Variants in INSYN2A observed in about 807,000 individuals in gnomAD.
INSYN2A encodes family with sequence similarity 196 member A.
INSYN2A carries 17 observed loss-of-function variants against 39.4 expected under a neutral mutation model. The observed-to-expected ratio is 0.43, with a 90% confidence interval of 0.30 to 0.65. INSYN2A has a LOEUF of 0.65. Ranked by LOEUF, INSYN2A falls within the 30% of genes least tolerant of loss-of-function variation. The pLI, the probability that INSYN2A is intolerant of heterozygous loss-of-function variation, is 0.14. For synonymous variants in INSYN2A, 255 were observed against 265.7 expected, an observed-to-expected ratio of 0.96 and a Z score of 0.39; for missense variants, 595 against 631.2, an observed-to-expected ratio of 0.94 and a Z score of 0.61.
intron 5 of INSYN2A, among the ~76,000 whole-genome samples, chr10:127,147,180 A>G (rs2051949267): frequency 6.6e-6 from 1 of 152,020 alleles, no homozygotes; most frequent in African/African-American, 2.4e-5. Context: ...CTTCTTTTGG[A>G]GCTTCCTACT....
intron 5 of INSYN2A, among the ~76,000 whole-genome samples, chr10:127,147,890 G>T (rs562208468): frequency 1.1e-4 from 17 of 151,760 alleles, no homozygotes; most frequent in Non-Finnish European, 2.2e-4. Context: ...AATTAGCCAG[G>T]ATTGGCGGTG....
chr10:127,194,401 C>G (rs1260450076), intron 1 of INSYN2A, among the ~76,000 whole-genome samples: 1 of 152,154 alleles, frequency 6.6e-6, no homozygotes, highest in African/African-American at 2.4e-5. Context: ...GTTTGCTAAT[C>G]ATTCTTGCAA....
chr10:127,175,342 G>T lies in INSYN2A; in HGVS notation c.1054C>A (p.His352Asn). The T allele has an allele frequency of 6.2e-7, 1 of 1,614,166 alleles. No homozygotes were observed. ...GCTTTGAGGTCGACCACTTCCGTAT[G>T]AGGCACGATTCGTTGGCATTCTTCA... ...AGEECQRIVP[H>N]TEVVDLKAQL... Residue 352 changes from histidine to asparagine, a missense_variant, in exon 4 of 6, where the codon CAT (histidine) becomes AAT (asparagine). Physicochemically the swap from His to Asn is moderately conservative, Grantham distance 68. Around this residue, in one of 2 missense-constraint regions of INSYN2A, gnomAD observed 117 missense variants for 163.8 expected, o/e 0.71. Coordinates refer to ENST00000522781, the MANE Select transcript of INSYN2A (RefSeq NM_001039762.3). This position sits in a 1 kb window ranked among gnomAD's most constrained non-coding sequence, Gnocchi z 6.3.
intron 5 of INSYN2A, among the ~76,000 whole-genome samples, chr10:127,147,559 C>T (rs1272736032): frequency 1.3e-5 from 2 of 152,214 alleles, no homozygotes; most frequent in East Asian, 3.9e-4. Flanking sequence ...CCCGGGGTCC[C>T]AGGGTAAGGG....
chr10:127,147,724 T>C (rs956108758), intron 5 of INSYN2A, among the ~76,000 whole-genome samples: 1 of 151,986 alleles, frequency 6.6e-6, no homozygotes, highest in Non-Finnish European at 1.5e-5. Flanking sequence ...TTTATCAAAG[T>C]GGTTGTTTAA....
chr10:127,175,416 G>T lies in INSYN2A; in HGVS notation c.980C>A (p.Thr327Asn). 2 of 1,613,432 alleles carry T rather than the reference G, an allele frequency of 1.2e-6. No individual in the cohort carries two copies. Among genetic ancestry groups the T allele is most frequent in the Non-Finnish European group, 1.7e-6 (2 of 1,180,050 alleles). The change falls in exon 4 of 6, where the codon ACC becomes AAC. Residue 327 changes from threonine (T) to asparagine (N), a missense_variant. By Grantham distance (65) the Thr-to-Asn change is moderately conservative. Transcript: ENST00000522781. The surrounding 1 kb of genome is among the most constrained non-coding windows in gnomAD (Gnocchi z 6.3). ...AGGCTGGTTCCCCAGCCCCGGCGGG[G>T]TGTGAGTCTGCGACGGCTGCTCACT... The part of the protein sequence containing the change: ...ECSEQPSQTH[T>N]PPGLGNQPSP...
chr10:127,177,605 C>T (rs1564874401), intron 2 of INSYN2A, among the ~76,000 whole-genome samples: 1 of 152,156 alleles, frequency 6.6e-6, no homozygotes, highest in Non-Finnish European at 1.5e-5. Flanking sequence ...TGGACATGGG[C>T]CCGTGAGAGC....
intron 2 of INSYN2A, among the ~76,000 whole-genome samples, chr10:127,186,935 G>A (rs1028899776): frequency 6.6e-6 from 1 of 152,184 alleles, no homozygotes; most frequent in African/African-American, 2.4e-5. Context: ...TGGGACATCT[G>A]TGGGCTGTTC....
At chr10:127,156,756 C>T (rs912268405) in intron 4 of INSYN2A, among the ~76,000 whole-genome samples, 13 of 151,728 alleles carry the variant, frequency 8.6e-5, no homozygotes, top group African/African-American at 1.9e-4. Context: ...TTAGTAGAGA[C>T]GGGGTTTCTC....
At chr10:127,179,640 G>A (rs2055532709) in intron 2 of INSYN2A, among the ~76,000 whole-genome samples, 1 of 152,130 alleles carries the variant, frequency 6.6e-6, no homozygotes, top group African/African-American at 2.4e-5. Context: ...TCTTTATTGG[G>A]GGTGGAGGGT....
At chr10:127,193,875 A>G (rs1041030563) in intron 1 of INSYN2A, among the ~76,000 whole-genome samples, 16 of 152,320 alleles carry the variant, frequency 1.1e-4, no homozygotes, top group African/African-American at 3.8e-4. Context: ...CCAGCCTCCC[A>G]TAGAGCTTGC....
intron 5 of INSYN2A, among the ~76,000 whole-genome samples, chr10:127,149,458 T>C (rs2052261326): frequency 1.3e-5 from 2 of 152,204 alleles, no homozygotes; most frequent in South Asian, 2.1e-4. Context: ...CAGAGAAATA[T>C]GTACCGCCTC....
At chr10:127,173,205 T>C (rs2054745000) in intron 4 of INSYN2A, among the ~76,000 whole-genome samples, 2 of 152,046 alleles carry the variant, frequency 1.3e-5, no homozygotes, top group African/African-American at 4.8e-5. Flanking sequence ...GCCACTAGGC[T>C]GAACACATTA....
At chr10:127,185,987 A>G (rs75493804) in intron 2 of INSYN2A, among the ~76,000 whole-genome samples, 3,613 of 152,298 alleles carry the variant, frequency 0.024, 144 homozygotes, top group African/African-American at 0.079. Context: ...CTCCCAAGAT[A>G]TGGTAGTGGC....
At chr10:127,182,979 T>C (rs2055875992) in intron 2 of INSYN2A, among the ~76,000 whole-genome samples, 1 of 151,950 alleles carries the variant, frequency 6.6e-6, no homozygotes, top group Non-Finnish European at 1.5e-5. Flanking sequence ...CTCCCTTTTT[T>C]AGACTTAGTG....
At chr10:127,166,096 C>T (rs1181203559) in intron 4 of INSYN2A, among the ~76,000 whole-genome samples, 4 of 152,096 alleles carry the variant, frequency 2.6e-5, no homozygotes, top group Admixed American at 6.5e-5. Flanking sequence ...GACAGAGTCT[C>T]GCTCTGTAGC....
At chr10:127,143,611 C>T (rs535041522) in intron 5 of INSYN2A, among the ~76,000 whole-genome samples, 1 of 152,286 alleles carries the variant, frequency 6.6e-6, no homozygotes, top group East Asian at 1.9e-4. Context: ...CCCCAAAGCA[C>T]AACAATTTAT....
At chr10:127,145,003 A>T (rs1318601093) in intron 5 of INSYN2A, among the ~76,000 whole-genome samples, 1 of 152,196 alleles carries the variant, frequency 6.6e-6, no homozygotes, top group African/African-American at 2.4e-5. Context: ...ACTATGAAGG[A>T]TCCAAAGTTA....
At chr10:127,140,006 A>G (rs1236078232) in intron 5 of INSYN2A, among the ~76,000 whole-genome samples, 7 of 152,178 alleles carry the variant, frequency 4.6e-5, no homozygotes, top group Admixed American at 4.6e-4. Flanking sequence ...CTGTGAATAT[A>G]CGGTATGTTA....
Sources: gnomAD v4.1 joint callset for allele counts (sites outside exome capture counted in the v4.1 genomes callset) on GRCh38, gnomAD v4.1.1 for gene constraint, gnomAD v4.1.1 regional missense constraint, Gnocchi (gnomAD v3.1) non-coding constraint, MANE v1.5 for transcripts, NCBI Gene and HGNC (gene_info 2026-07-23, HGNC 2026-07-21) for gene names.